The following PRDM16 variants were observed in gnomAD, a reference collection of about 807,000 sequenced individuals.
PRDM16 encodes the protein histone-lysine N-methyltransferase PRDM16.
In PRDM16, 23 loss-of-function variants were observed where a neutral mutation model predicts 110.6. The observed-to-expected ratio is 0.21, with a 90% CI of 0.15 to 0.29. The LOEUF (loss-of-function observed/expected upper bound fraction) is 0.29. Among genes scored for constraint, PRDM16 ranks in the 10% least tolerant of loss-of-function variants. The pLI is 1.00. For missense variants in PRDM16, 1,615 were observed against 1,794.3 expected (o/e 0.90, Z 1.81); for synonymous variants, 799 against 781.8 (o/e 1.02, Z -0.37).
intron 8 of PRDM16, among the ~76,000 whole-genome samples, chr1:3,408,575 A>T (rs1643601686): frequency 7.7e-6 from 1 of 130,114 alleles, no homozygotes; most frequent in Non-Finnish European, 1.6e-5. Context: ...GGTGCGTGTG[A>T]GAGCGTGTGA....
intron 3 of PRDM16, among the ~76,000 whole-genome samples, chr1:3,258,828 C>T (rs1053730690): frequency 5.1e-4 from 78 of 152,368 alleles, no homozygotes; most frequent in East Asian, 2.3e-3. Flanking sequence ...AACAGGCTCC[C>T]TGCTCGAGCC....
At position 3,230,637 on chromosome 1, in the gene PRDM16, C is replaced by T. The variant is rs536255352; in HGVS notation, c.388-13450C>T. Among the ~76,000 whole-genome samples, 132 of 152,348 alleles carry T rather than the reference C, an allele frequency of 8.7e-4. 1 individual carries two copies. The highest frequency in any genetic ancestry group is 1.6e-3 in the Non-Finnish European group (107 of 68,042). The stretch of plus-strand genomic sequence containing the variant: ...CTTCCCATCTCACACCACCTTTCCC[C>T]GTGGGAGGCTCCAGCTGAGAAGGCA... On this transcript the variant is annotated intron_variant, in intron 2 of 16. Coordinates refer to ENST00000270722, the MANE Select transcript of PRDM16 (RefSeq NM_022114.4).
At chr1:3,116,039 G>A (rs1642950940) in intron 1 of PRDM16, among the ~76,000 whole-genome samples, 3 of 152,226 alleles carry the variant, frequency 2.0e-5, no homozygotes, top group Admixed American at 1.3e-4. Context: ...TCGATGGCAG[G>A]TGCTAAACGC....
intron 3 of PRDM16, among the ~76,000 whole-genome samples, chr1:3,300,736 T>C (rs924681293): frequency 6.6e-6 from 1 of 152,206 alleles, no homozygotes; most frequent in African/African-American, 2.4e-5. Context: ...CTTTTCCACC[T>C]TGTACCATCC....
intron 1 of PRDM16, among the ~76,000 whole-genome samples, chr1:3,180,997 ATCTTACACGCGG>A (rs1384115008): frequency 1.7e-5 from 2 of 114,814 alleles, no homozygotes; most frequent in South Asian, 3.0e-4. Context: ...CTTACACACG[ATCTTACACGCGG>A]TCTTACAAAT....
At chr1:3,076,209 C>T (rs1048970414) in intron 1 of PRDM16, among the ~76,000 whole-genome samples, 7 of 152,156 alleles carry the variant, frequency 4.6e-5, no homozygotes, top group African/African-American at 1.4e-4. Flanking sequence ...TGTCCAAGCA[C>T]GTGTGTGTGT....
chr1:3,296,023 A>T (rs1641082240), intron 3 of PRDM16, among the ~76,000 whole-genome samples: 1 of 152,148 alleles, frequency 6.6e-6, no homozygotes, highest in African/African-American at 2.4e-5. Context: ...GAGCCTCAGC[A>T]ACCGCACTCC....
intron 8 of PRDM16, among the ~76,000 whole-genome samples, chr1:3,411,057 CAT>C (rs3036506): frequency 0.13 from 20,420 of 152,206 alleles, 1,457 homozygotes; most frequent in Middle Eastern, 0.23. Flanking sequence ...TGCACACACA[CAT>C]ATGTTTCCAC....
chr1:3,242,140 G>A (rs958844667), intron 2 of PRDM16, among the ~76,000 whole-genome samples: 5 of 152,230 alleles, frequency 3.3e-5, no homozygotes, highest in Admixed American at 1.3e-4. Flanking sequence ...TGGGCTCTGG[G>A]TGGGTACGTG....
chr1:3,171,034 A>C (rs536821819), intron 1 of PRDM16, among the ~76,000 whole-genome samples: 2 of 152,296 alleles, frequency 1.3e-5, no homozygotes, highest in South Asian at 2.1e-4. Flanking sequence ...AGGCTGGGAT[A>C]GGGGCACCCC....
rs75521395 is a variant in PRDM16 at position 3,431,716 on chromosome 1, GC to G, written c.3522-245del. 0.025 allele frequency among the ~76,000 whole-genome samples: 3,880 copies of G among 152,324 alleles called. 177 individuals carry two copies. The highest frequency in any genetic ancestry group is 0.19 in the East Asian group (998 of 5,178). ...TCCACCCTCCACTGGCAAGACCTGAGCCCCCTGCCTGCTGCCTGATGCGTGT... is the reference window on the plus strand; with the variant it reads ...TCCACCCTCCACTGGCAAGACCTGAGCCCCTGCCTGCTGCCTGATGCGTGT... On this transcript the variant is annotated intron_variant, in intron 15 of 16. Transcript: ENST00000270722.
At chr1:3,086,202 G>A (rs1433675298) in intron 1 of PRDM16, among the ~76,000 whole-genome samples, 3 of 152,158 alleles carry the variant, frequency 2.0e-5, no homozygotes, top group South Asian at 2.1e-4. Flanking sequence ...GGGTGAGCTC[G>A]TGAGTGCGTG....
At chr1:3,414,394 C>T (rs903457432) in intron 9 of PRDM16, among the ~76,000 whole-genome samples, 166 bp from the exon 10 acceptor site, 1 of 152,084 alleles carries the variant, frequency 6.6e-6, no homozygotes, top group Admixed American at 6.5e-5. Context: ...TCCCCAAGGC[C>T]CACAGAGGAG....
chr1:3,161,435 G>A (rs1643895925), intron 1 of PRDM16, among the ~76,000 whole-genome samples: 1 of 152,212 alleles, frequency 6.6e-6, no homozygotes, highest in African/African-American at 2.4e-5. Context: ...GCTGATTAGC[G>A]GGTCGGGCAA....
chr1:3,278,444 G>C (rs1310457603), intron 3 of PRDM16, among the ~76,000 whole-genome samples: 1 of 152,226 alleles, frequency 6.6e-6, no homozygotes, highest in East Asian at 1.9e-4. Context: ...AGGGGCCTGT[G>C]TGGAGTTCAC....
intron 3 of PRDM16, among the ~76,000 whole-genome samples, chr1:3,334,525 G>A (rs533881398): frequency 1.3e-5 from 2 of 152,164 alleles, no homozygotes; most frequent in South Asian, 2.1e-4. Context: ...CTGGCTGGCC[G>A]CCATCAACTC....
At chr1:3,145,648 G>A (rs551857190) in intron 1 of PRDM16, among the ~76,000 whole-genome samples, 1 of 152,272 alleles carries the variant, frequency 6.6e-6, no homozygotes, top group African/African-American at 2.4e-5. Flanking sequence ...GTCCTGCGTG[G>A]TCCGTACAGT....
intron 1 of PRDM16, among the ~76,000 whole-genome samples, chr1:3,126,845 C>T (rs565193631): frequency 3.3e-5 from 5 of 152,302 alleles, no homozygotes; most frequent in East Asian, 3.9e-4. Flanking sequence ...TGTGCAGAAG[C>T]GTTGTAGATG....
intron 3 of PRDM16, among the ~76,000 whole-genome samples, chr1:3,372,846 G>C (rs192562758): frequency 7.9e-5 from 12 of 152,304 alleles, no homozygotes; most frequent in African/African-American, 2.6e-4. Flanking sequence ...TCAGGGCCAC[G>C]GACGGGGTTC....
Sources: gnomAD v4.1 joint callset for allele counts (sites outside exome capture counted in the v4.1 genomes callset) on GRCh38, gnomAD v4.1.1 for gene constraint, MANE v1.5 for transcripts, NCBI Gene and HGNC (gene_info 2026-07-23, HGNC 2026-07-21) for gene names.